The following PRKCB variants were observed in gnomAD, a reference collection of about 807,000 sequenced individuals.
PRKCB encodes the protein protein kinase C beta type.
In PRKCB, 13 loss-of-function variants were observed where a neutral mutation model predicts 81.5. The observed-to-expected ratio is 0.16, with a 90% CI of 0.10 to 0.25. The LOEUF (loss-of-function observed/expected upper bound fraction) is 0.25, where lower values mean the gene tolerates loss of function less well. PRKCB is among the 10% of genes least tolerant of loss of function. The pLI, the probability that PRKCB is intolerant of heterozygous loss-of-function variation, is 1.00. For missense variants in PRKCB, 509 were observed against 875.7 expected, an observed-to-expected ratio of 0.58 and a Z score of 5.29; for synonymous variants, 335 against 321.4, an observed-to-expected ratio of 1.04 and a Z score of -0.45.
chr16:24,172,260 C>A lies in PRKCB; in HGVS notation c.1240-10C>A. The A allele has an allele frequency of 1.9e-6, 3 of 1,611,158 alleles. No homozygotes were observed. Among genetic ancestry groups the A allele is most frequent in the South Asian group, 1.1e-5 (1 of 90,898 alleles). ...GGATGCTAATGTTGCTGTTTGCTGT[C>A]CTCTTCCAGGACCGCCTGTACTTTG... is the stretch of plus-strand genomic sequence containing the variant. On this transcript the variant is annotated splice_polypyrimidine_tract_variant and intron_variant, in intron 10 of 16. Coordinates refer to ENST00000643927, the MANE Select transcript of PRKCB (RefSeq NM_002738.7).
At chr16:24,102,089 G>A (rs1383634540) in intron 7 of PRKCB, among the ~76,000 whole-genome samples, 1 of 152,162 alleles carries the variant, frequency 6.6e-6, no homozygotes, top group Admixed American at 6.5e-5. Flanking sequence ...AGGCTAGAGG[G>A]TAGACAGCTG....
intron 16 of PRKCB, among the ~76,000 whole-genome samples, chr16:24,193,468 T>A (rs1311518376): frequency 2.9e-5 from 3 of 103,548 alleles, no homozygotes; most frequent in East Asian, 2.4e-4. Context: ...AATAAATAAA[T>A]AAATAAATAA....
chr16:24,012,568 C>T (rs181992597), intron 3 of PRKCB, among the ~76,000 whole-genome samples: 164 of 152,354 alleles, frequency 1.1e-3, no homozygotes, highest in Middle Eastern at 6.8e-3. Flanking sequence ...TCATGTCATC[C>T]TCTTTGTTGA....
At chr16:24,134,751 AG>A (rs1966859444) in intron 9 of PRKCB, among the ~76,000 whole-genome samples, 2 of 123,908 alleles carry the variant, frequency 1.6e-5, no homozygotes, top group African/African-American at 3.4e-5. Context: ...TCCGTCTCAA[AG>A]GAAAAAAAAA....
intron 5 of PRKCB, among the ~76,000 whole-genome samples, chr16:24,071,436 T>TAAAAAAAAAAAAAAAAA (rs398042091): frequency 5.2e-5 from 3 of 57,294 alleles, no homozygotes; most frequent in African/African-American, 1.7e-4. Flanking sequence ...AGACCCTGTC[T>TAAAAAAAAAAAAAAAAA]AAAAAAAAAA....
intron 16 of PRKCB, among the ~76,000 whole-genome samples, chr16:24,211,557 CTTTTTTT>C (rs34318557): frequency 7.7e-6 from 1 of 130,480 alleles, no homozygotes; most frequent in Non-Finnish European, 1.6e-5. Context: ...TACAGACTCA[CTTTTTTT>C]TTTTTTTTTT....
chr16:24,076,830 T>C (rs1966183249), intron 5 of PRKCB, among the ~76,000 whole-genome samples: 1 of 152,176 alleles, frequency 6.6e-6, no homozygotes, highest in Admixed American at 6.5e-5. Context: ...GGCAGAGGCA[T>C]AGGGTGGGGG....
intron 3 of PRKCB, among the ~76,000 whole-genome samples, chr16:24,010,541 A>G (rs924278753): frequency 3.3e-5 from 5 of 152,136 alleles, no homozygotes; most frequent in African/African-American, 4.8e-5. Context: ...AGAGTGTGCA[A>G]TAGTCCAAGG....
intron 2 of PRKCB, among the ~76,000 whole-genome samples, chr16:23,921,120 T>A (rs1270165387): frequency 6.6e-6 from 1 of 152,190 alleles, no homozygotes; most frequent in Non-Finnish European, 1.5e-5. Flanking sequence ...TATTTCCACC[T>A]AGCCCCACCC....
At chr16:24,090,902 T>C (rs1966368561) in intron 5 of PRKCB, among the ~76,000 whole-genome samples, 1 of 152,208 alleles carries the variant, frequency 6.6e-6, no homozygotes, top group Non-Finnish European at 1.5e-5. Context: ...TATTCTTTCT[T>C]CTAATCTGTT....
At position 24,216,154 on chromosome 16, in the gene PRKCB, CG is replaced by C; in HGVS notation, c.*1343del. The C allele has an allele frequency of 1.0e-6, 1 of 985,376 alleles. No homozygotes were observed. 61.0% of individuals were successfully genotyped at this position (985,376 alleles called of 1,614,324 possible). ...CCCAGTGTTCAGCCACTCGGAGGGG[CG>C]GGGGCTGTGGCCCATTCAGGGGCTG... On this transcript the variant is annotated 3_prime_UTR_variant, in exon 17 of 17. Transcript: ENST00000643927.
At chr16:23,995,490 C>T (rs1019207668) in intron 3 of PRKCB, among the ~76,000 whole-genome samples, 4 of 152,182 alleles carry the variant, frequency 2.6e-5, no homozygotes, top group African/African-American at 9.7e-5. Context: ...CCACAGATAG[C>T]TAGTTTCCTA....
chr16:23,970,309 G>A (rs1433561287), intron 2 of PRKCB, among the ~76,000 whole-genome samples: 1 of 152,184 alleles, frequency 6.6e-6, no homozygotes, highest in African/African-American at 2.4e-5. Context: ...CTCTGCAAGA[G>A]CGGAAGATGA....
chr16:24,032,939 T>C (rs1965567386), intron 4 of PRKCB, among the ~76,000 whole-genome samples: 1 of 152,224 alleles, frequency 6.6e-6, no homozygotes, highest in African/African-American at 2.4e-5. Flanking sequence ...TGATGCATTC[T>C]TTGCATGGAG....
At chr16:24,076,344 T>TG (rs1178268155) in intron 5 of PRKCB, among the ~76,000 whole-genome samples, 1 of 152,114 alleles carries the variant, frequency 6.6e-6, no homozygotes, top group African/African-American at 2.4e-5. Flanking sequence ...AGGTGAAAGG[T>TG]GGGGCTAATT....
chr16:23,900,574 G>A (rs1030875403), intron 2 of PRKCB, among the ~76,000 whole-genome samples: 2 of 151,470 alleles, frequency 1.3e-5, no homozygotes, highest in East Asian at 1.9e-4. Flanking sequence ...GAGACATTCC[G>A]CATATGAACC....
intron 3 of PRKCB, among the ~76,000 whole-genome samples, chr16:24,020,112 G>A (rs1360865626): frequency 6.6e-6 from 1 of 152,178 alleles, no homozygotes; most frequent in Non-Finnish European, 1.5e-5. Flanking sequence ...CCACCCACCA[G>A]GAATATGTGT....
chr16:24,161,343 T>G (rs1489842732), intron 10 of PRKCB, among the ~76,000 whole-genome samples: 1 of 152,180 alleles, frequency 6.6e-6, no homozygotes, highest in African/African-American at 2.4e-5. Flanking sequence ...TAAATCCTAT[T>G]TAAGATATTA....
At chr16:23,962,283 C>T (rs1964436807) in intron 2 of PRKCB, among the ~76,000 whole-genome samples, 1 of 152,136 alleles carries the variant, frequency 6.6e-6, no homozygotes, top group East Asian at 1.9e-4. Flanking sequence ...TGGTTTCGCT[C>T]CCTAACGTCC....
Sources: gnomAD v4.1 joint callset for allele counts (sites outside exome capture counted in the v4.1 genomes callset) on GRCh38, gnomAD v4.1.1 for gene constraint, MANE v1.5 for transcripts, NCBI Gene and HGNC (gene_info 2026-07-23, HGNC 2026-07-21) for gene names.